Variants in FAM107B observed in about 807,000 individuals in gnomAD.
FAM107B encodes the protein protein FAM107B.
FAM107B carries 21 observed loss-of-function variants against 31.5 expected under a neutral mutation model. The ratio of observed to expected loss-of-function variants is 0.67; its 90% CI spans 0.47 to 0.96. The LOEUF is 0.96. FAM107B is among the 40% of genes least tolerant of loss of function. The probability of loss-of-function intolerance (pLI) is 0.00; values close to 1 mark genes in which losing one functional copy is unlikely to be tolerated. For synonymous variants in FAM107B, 157 were observed against 141.5 expected (o/e 1.11, Z -0.78); for missense variants, 452 against 377.1 (o/e 1.20, Z -1.64).
intron 2 of FAM107B, among the ~76,000 whole-genome samples, chr10:14,626,611 C>CTCCT (rs966391966): frequency 2.0e-5 from 3 of 149,146 alleles, no homozygotes; most frequent in Admixed American, 6.8e-5. Flanking sequence ...TCACGCCATT[C>CTCCT]TCCTGCCTCA....
rs1316762694 is a variant in FAM107B, at chr10:14,520,521, G to A, written c.*669C>T. ...CTTGGAACTGGAATGTCACTATGTA[G>A]CCTGCTATTATTACACAGAGAACCA... On this transcript the variant is annotated 3_prime_UTR_variant, in exon 5 of 5. Coordinates refer to ENST00000181796, the MANE Select transcript of FAM107B (RefSeq NM_031453.4). 6.6e-6 allele frequency: 1 copy of A among 152,188 alleles called. No homozygotes were observed. Among genetic ancestry groups the A allele is most frequent in the Non-Finnish European group, 1.5e-5 (1 of 68,034 alleles). The allele number at this position is 152,188 out of a possible 1,614,324, so 9.4% of individuals were successfully genotyped here. A position where few individuals can be genotyped will look rare whatever the true frequency, so the allele number is the denominator to read the frequency against.
intron 3 of FAM107B, among the ~76,000 whole-genome samples, chr10:14,524,120 C>T (rs570382015): frequency 1.3e-5 from 2 of 151,414 alleles, no homozygotes; most frequent in African/African-American, 4.9e-5. Flanking sequence ...CGGCTCACTG[C>T]AACTTCCTCC....
At chr10:14,651,868 C>T (rs752911713) in intron 2 of FAM107B, among the ~76,000 whole-genome samples, 2 of 152,068 alleles carry the variant, frequency 1.3e-5, no homozygotes, top group Non-Finnish European at 2.9e-5. Flanking sequence ...AGAATAATAA[C>T]CCAAACCAGA....
rs115208077 is a variant in FAM107B, at chr10:14,573,984, T to A, written c.470-43469A>T. On this transcript the variant is annotated intron_variant, in intron 2 of 4. Coordinates refer to ENST00000181796, the MANE Select transcript of FAM107B (RefSeq NM_031453.4). ...TTTCTCTCATAATCTACCCTTCCCA[T>A]GACACAGGGAATATTTTGGTGCTCT... Among the ~76,000 whole-genome samples the A allele has an allele frequency of 4.2e-3, 639 of 151,060 alleles. 7 individuals are homozygous for A. Among genetic ancestry groups the A allele is most frequent in the African/African-American group, 0.014 (590 of 41,162 alleles).
intron 1 of FAM107B, among the ~76,000 whole-genome samples, chr10:14,677,397 A>G (rs1386832112): frequency 6.6e-6 from 1 of 152,158 alleles, no homozygotes; most frequent in Non-Finnish European, 1.5e-5. Flanking sequence ...CGAGGTGGGC[A>G]GATCACGAGG....
At chr10:14,575,249 G>C (rs1413768568) in intron 2 of FAM107B, among the ~76,000 whole-genome samples, 1 of 151,916 alleles carries the variant, frequency 6.6e-6, no homozygotes, top group African/African-American at 2.4e-5. Flanking sequence ...TATCGCCCAG[G>C]CTGGAGTGTA....
rs138305613 is a variant in FAM107B at position 14,609,564 on chromosome 10, A to G, written c.469+58070T>C. ...TCTCAGCAAATCCTTCTATGCTTCC[A>G]ATCTCTGACTTGGCCATCTAGGGCT... On this transcript the variant is annotated intron_variant, in intron 2 of 4. Coordinates refer to ENST00000181796, the MANE Select transcript of FAM107B (RefSeq NM_031453.4). Among the ~76,000 whole-genome samples the G allele has an allele frequency of 1.6e-3, 250 of 152,246 alleles. 3 individuals carry two copies. The highest frequency in any genetic ancestry group is 4.7e-3 in the African/African-American group (194 of 41,542).
intron 1 of FAM107B, among the ~76,000 whole-genome samples, chr10:14,712,272 A>T (rs931738907): frequency 2.6e-5 from 4 of 152,136 alleles, no homozygotes; most frequent in Non-Finnish European, 5.9e-5. Context: ...ACTCACAAAA[A>T]TTAAAAAATT....
At chr10:14,713,753 A>C (rs1003066715) in intron 1 of FAM107B, among the ~76,000 whole-genome samples, 1 of 152,248 alleles carries the variant, frequency 6.6e-6, no homozygotes, top group African/African-American at 2.4e-5. Flanking sequence ...AGCGCTATTC[A>C]CAATAGCAAA....
intron 1 of FAM107B, among the ~76,000 whole-genome samples, chr10:14,677,751 C>A (rs1180418192): frequency 1.3e-5 from 2 of 152,144 alleles, no homozygotes; most frequent in Non-Finnish European, 2.9e-5. Context: ...TTCCCCAGGA[C>A]GCAGGACTTT....
intron 1 of FAM107B, among the ~76,000 whole-genome samples, chr10:14,721,356 T>C (rs1336024881): frequency 2.0e-5 from 3 of 152,194 alleles, no homozygotes; most frequent in East Asian, 3.9e-4. Flanking sequence ...TTTGGGTATA[T>C]ACCCAGTAAT....
chr10:14,666,304 C>T (rs771023330), intron 2 of FAM107B, among the ~76,000 whole-genome samples: 18 of 152,084 alleles, frequency 1.2e-4, no homozygotes, highest in Admixed American at 6.5e-4. Context: ...ACAATCATGG[C>T]GGAAGCAGAA....
At chr10:14,735,829 A>T (rs1856287854) in intron 1 of FAM107B, among the ~76,000 whole-genome samples, 1 of 152,140 alleles carries the variant, frequency 6.6e-6, no homozygotes, top group Admixed American at 6.5e-5. Context: ...TAGGAAATGT[A>T]GCCATGGTCA....
intron 2 of FAM107B, among the ~76,000 whole-genome samples, 195 bp downstream of exon 2, chr10:14,667,439 G>A (rs549307607): frequency 2.6e-5 from 4 of 152,262 alleles, no homozygotes; most frequent in East Asian, 3.9e-4. Flanking sequence ...AGAACAGAAC[G>A]AGCTATTTTC....
intron 2 of FAM107B, among the ~76,000 whole-genome samples, chr10:14,576,388 G>A (rs191607514): frequency 1.8e-3 from 267 of 152,250 alleles, no homozygotes; most frequent in African/African-American, 6.1e-3. Context: ...TTAGCTGGGC[G>A]TGGTGGTGGG....
intron 1 of FAM107B, among the ~76,000 whole-genome samples, chr10:14,719,498 G>T (rs1187076934): frequency 6.6e-6 from 1 of 152,032 alleles, no homozygotes; most frequent in Non-Finnish European, 1.5e-5. Context: ...AGATACAAAT[G>T]GGCTAGCCAT....
At position 14,518,685 on chromosome 10, in the gene FAM107B, T is replaced by A. The variant is rs189196529; in HGVS notation, c.*2505A>T. On this transcript the variant is annotated 3_prime_UTR_variant, in exon 5 of 5. Coordinates refer to ENST00000181796, the MANE Select transcript of FAM107B (RefSeq NM_031453.4). ...AGCAAATACAAAAAATATTAAATTA[T>A]GAAAACCAATCCATTAAGGCTCCCT... is the stretch of plus-strand genomic sequence containing the variant. 6.6e-6 allele frequency: 1 copy of A among 152,640 alleles called. No homozygotes were observed. Among genetic ancestry groups the A allele is most frequent in the Non-Finnish European group, 1.5e-5 (1 of 68,034 alleles). 9.5% of individuals were successfully genotyped at this position (152,640 alleles called of 1,614,324 possible).
chr10:14,696,469 G>T (rs1231022678), intron 1 of FAM107B, among the ~76,000 whole-genome samples: 1 of 151,862 alleles, frequency 6.6e-6, no homozygotes, highest in African/African-American at 2.4e-5. Context: ...TCTTTGCCTG[G>T]CTTAGGTACC....
At chr10:14,629,797 C>A (rs2131416390) in intron 2 of FAM107B, among the ~76,000 whole-genome samples, 1 of 151,320 alleles carries the variant, frequency 6.6e-6, no homozygotes, top group South Asian at 2.1e-4. Flanking sequence ...ACAGCGTGAG[C>A]CACCACGCCT....
Sources: gnomAD v4.1 joint callset for allele counts (sites outside exome capture counted in the v4.1 genomes callset) on GRCh38, gnomAD v4.1.1 for gene constraint, MANE v1.5 for transcripts, NCBI Gene and HGNC (gene_info 2026-07-23, HGNC 2026-07-21) for gene names.